FBH1: variants seen among roughly 807,000 people sequenced by gnomAD.
The protein encoded by FBH1 is F-box DNA helicase 1.
A neutral mutation model predicts 115.5 loss-of-function variants in FBH1; 43 were observed. The ratio of observed to expected loss-of-function variants is 0.37; its 90% confidence interval spans 0.29 to 0.48. FBH1 has a LOEUF of 0.48. Among genes scored for constraint, FBH1 ranks in the 20% least tolerant of loss-of-function variants. The pLI, the probability that FBH1 is intolerant of heterozygous loss-of-function variation, is 0.99. For synonymous variants in FBH1, 524 were observed against 507.8 expected (o/e 1.03, Z -0.43); for missense variants, 1,001 against 1,337.3 (o/e 0.75, Z 3.92).
intron 3 of FBH1, among the ~76,000 whole-genome samples, 179 bp from the exon 4 acceptor site, chr10:5,908,746 A>G (rs935657559): frequency 6.6e-6 from 1 of 151,906 alleles, no homozygotes; most frequent in African/African-American, 2.4e-5. Context: ...AGCTGGGACT[A>G]CAGGCATGTG....
At chr10:5,894,303 A>G (rs1842891060) in intron 1 of FBH1, 1 of 1,480,906 alleles carries the variant, frequency 6.8e-7, no homozygotes, top group Non-Finnish European at 8.9e-7. Context: ...TTTTCCAAAT[A>G]CTTCTCAATT....
chr10:5,890,519 C>T (rs1207724927), intron 1 of FBH1, among the ~76,000 whole-genome samples, 173 bp downstream of exon 1: 1 of 150,274 alleles, frequency 6.7e-6, no homozygotes, highest in East Asian at 2.0e-4. Flanking sequence ...CCGTCCGGGC[C>T]GTGGGCAGGT....
rs1225548225 is a variant in FBH1, at chr10:5,908,982, A to T, written c.811A>T (p.Ser271Cys). The change falls in exon 4 of 21, where the codon AGC becomes TGC. Residue 271 changes from serine (S) to cysteine (C), a missense_variant. Physicochemically the swap from Ser to Cys is moderately radical, Grantham distance 112. Around this residue, in one of 4 missense-constraint regions of FBH1, gnomAD observed 420 missense variants for 430.4 expected, o/e 0.98. Coordinates refer to ENST00000362091, the MANE Select transcript of FBH1 (RefSeq NM_178150.3). ...RYLMNEEQAV[S>C]KVDGILSNCG... ...CCTGATGAATGAAGAGCAAGCTGTC[A>T]GCAAAGTGGACGGCATCCTGTCTAA... 4 of 1,614,234 alleles carry T rather than the reference A, an allele frequency of 2.5e-6. No homozygotes were observed. The East Asian group carries it at 6.7e-5, about 27-fold the overall frequency.
At chr10:5,912,027 A>T (rs1387073133) in intron 6 of FBH1, among the ~76,000 whole-genome samples, 4 of 152,060 alleles carry the variant, frequency 2.6e-5, no homozygotes, top group Non-Finnish European at 4.4e-5. Flanking sequence ...ATTGTGAAGG[A>T]TGGACAGGGA....
chr10:5,902,683 C>T (rs978548898), intron 1 of FBH1, among the ~76,000 whole-genome samples: 10 of 152,104 alleles, frequency 6.6e-5, no homozygotes, highest in African/African-American at 2.2e-4. Flanking sequence ...CCCTCCTCCA[C>T]CTCCCAAAGT....
intron 1 of FBH1, among the ~76,000 whole-genome samples, chr10:5,891,952 TG>T (rs959684491): frequency 6.6e-6 from 1 of 152,212 alleles, no homozygotes; most frequent in African/African-American, 2.4e-5. Flanking sequence ...GTTACTTCAT[TG>T]GTGTTGCACA....
At chr10:5,891,178 G>A (rs753691271) in intron 1 of FBH1, 28 of 985,704 alleles carry the variant, frequency 2.8e-5, no homozygotes, top group Non-Finnish European at 3.3e-5. Flanking sequence ...AGCGTCTGCC[G>A]CTGTGGTAAA....
chr10:5,891,105 A>G, intron 1 of FBH1: 1 of 981,532 alleles, frequency 1.0e-6, no homozygotes, highest in Non-Finnish European at 1.2e-6. Context: ...TGACTTTCTT[A>G]CAGAATTACA....
At position 5,913,754 on chromosome 10, in the gene FBH1, TACA is replaced by T; in HGVS notation, c.1223_1225del (p.Asn408del). On this transcript the variant is annotated inframe_deletion, in exon 7 of 21. Coordinates refer to ENST00000362091, the MANE Select transcript of FBH1 (RefSeq NM_178150.3). The surrounding 1 kb of genome is among the most constrained non-coding windows in gnomAD (Gnocchi z 4.4). The stretch of plus-strand genomic sequence containing the variant: ...TACTTTTTTTTCTGGTAGGATTCAC[TACA>T]ACATTTTCTATTGCCTATATCTTCA... 6.4e-7 allele frequency: 1 copy of T among 1,563,228 alleles called. No individual in the cohort carries two copies.
intron 18 of FBH1, among the ~76,000 whole-genome samples, chr10:5,926,565 G>A (rs752634761): frequency 6.6e-6 from 1 of 152,222 alleles, no homozygotes. Context: ...ACTGTGGACT[G>A]GAAATTTGGG....
At chr10:5,903,331 G>GTTT (rs35963724) in intron 2 of FBH1, among the ~76,000 whole-genome samples, 156 bp downstream of exon 2, 2 of 141,568 alleles carry the variant, frequency 1.4e-5, no homozygotes, top group Non-Finnish European at 3.1e-5. Context: ...TTTCCATGAA[G>GTTT]TTTTTTTTTT....
At position 5,936,232 on chromosome 10, in the gene FBH1, T is replaced by C. The variant is rs2132163413; in HGVS notation, c.2830-224T>C. 2.9e-6 allele frequency: 1 copy of C among 339,250 alleles called. No homozygotes were observed. Among genetic ancestry groups the C allele is most frequent in the African/African-American group, 2.0e-5 (1 of 49,098 alleles). The allele number at this position is 339,250 out of a possible 1,614,324, so 21.0% of individuals were successfully genotyped here. On this transcript the variant is annotated intron_variant, in intron 19 of 20. Transcript: ENST00000362091. The surrounding 1 kb of genome is among the most constrained non-coding windows in gnomAD (Gnocchi z 5.6). ...TAGTTTTGCATGTTTATCTGTTAAATATATATATATTTAAAAAGCAATTGG... is the reference window on the plus strand; with the variant it reads ...TAGTTTTGCATGTTTATCTGTTAAACATATATATATTTAAAAAGCAATTGG...
At chr10:5,901,026 G>A (rs1183674003) in intron 1 of FBH1, among the ~76,000 whole-genome samples, 1 of 152,162 alleles carries the variant, frequency 6.6e-6, no homozygotes, top group Non-Finnish European at 1.5e-5. Flanking sequence ...GAACCCAAGA[G>A]GTGAATGTTG....
intron 19 of FBH1, chr10:5,934,440 C>A: frequency 6.9e-6 from 1 of 144,022 alleles, no homozygotes; most frequent in Non-Finnish European, 1.5e-5. Context: ...GTGGTGCCAT[C>A]TTGCTCGGCT....
intron 1 of FBH1, among the ~76,000 whole-genome samples, chr10:5,890,751 C>G (rs934267856): frequency 6.6e-6 from 1 of 152,118 alleles, no homozygotes; most frequent in Non-Finnish European, 1.5e-5. Flanking sequence ...GCCCTCTGCC[C>G]CTGTGTCATC....
In FBH1 at chr10:5,924,795, A is replaced by G. The variant is rs1564458794; in HGVS notation, c.2596+287A>G. Reference sequence around the variant, plus strand: ...TGGCCAGGCTGGTCTCGAACTCCCAACCTCAGGTAATCTGCCCACCTCGAC... The same window carrying G: ...TGGCCAGGCTGGTCTCGAACTCCCAGCCTCAGGTAATCTGCCCACCTCGAC... On this transcript the variant is annotated intron_variant, in intron 17 of 20. Transcript: ENST00000362091. The surrounding 1 kb of genome is among the most constrained non-coding windows in gnomAD (Gnocchi z 6.2). 2.0e-6 allele frequency: 1 copy of G among 501,146 alleles called. No individual in the cohort carries two copies. The allele number at this position is 501,146 out of a possible 1,614,324, so 31.0% of individuals were successfully genotyped here.
rs1002371839 is a variant in FBH1, at chr10:5,918,028, C to T, written c.1964-314C>T. Among the ~76,000 whole-genome samples, 4 of 152,176 alleles carry T rather than the reference C, an allele frequency of 2.6e-5. No homozygotes were observed. The highest frequency in any genetic ancestry group is 2.6e-4 in the Admixed American group (4 of 15,290). ...AGAACAGACAGTGTTATCCGTCTGA[C>T]TTTGTAGGTCAATTTTGAGTGCTAT... On this transcript the variant is annotated intron_variant, in intron 12 of 20. Transcript: ENST00000362091. This position sits in a 1 kb window ranked among gnomAD's most constrained non-coding sequence, Gnocchi z 4.0.
Position 5,913,712 on chromosome 10 carries a change from T to C in FBH1, c.1212-35T>C, listed in dbSNP as rs1440363688. On this transcript the variant is annotated intron_variant, in intron 6 of 20. Coordinates refer to ENST00000362091, the MANE Select transcript of FBH1 (RefSeq NM_178150.3). The surrounding 1 kb of genome is among the most constrained non-coding windows in gnomAD (Gnocchi z 4.4). Reference sequence around the variant, plus strand: ...ATAAGATGCAGATTGTGACTTGAATTTGAGACTTTCTAAATCTACTTTTTT... The same window carrying C: ...ATAAGATGCAGATTGTGACTTGAATCTGAGACTTTCTAAATCTACTTTTTT... 3.4e-6 allele frequency: 5 copies of C among 1,449,416 alleles called. No individual in the cohort carries two copies. In the African/African-American group the frequency reaches 7.3e-5, roughly 21 times the overall value. The allele number at this position is 1,449,416 out of a possible 1,614,324, so 89.8% of individuals were successfully genotyped here. A position where few individuals can be genotyped will look rare whatever the true frequency, so the allele number is the denominator to read the frequency against.
At position 5,924,010 on chromosome 10, in the gene FBH1, G is replaced by A. The variant is rs1395883359; in HGVS notation, c.2399-301G>A. Reference sequence around the variant, plus strand: ...ACTTCCACGTGGGCCCCAAGTGATAGCGTCGAGCATTTCTATAGCGCTTTT... The same window carrying A: ...ACTTCCACGTGGGCCCCAAGTGATAACGTCGAGCATTTCTATAGCGCTTTT... On this transcript the variant is annotated intron_variant, in intron 16 of 20. Transcript: ENST00000362091. This position sits in a 1 kb window ranked among gnomAD's most constrained non-coding sequence, Gnocchi z 6.2. 4.3e-5 allele frequency: 24 copies of A among 560,660 alleles called. No individual in the cohort carries two copies. The East Asian group carries it at 6.9e-4, about 16-fold the overall frequency. The allele number at this position is 560,660 out of a possible 1,614,324, so 34.7% of individuals were successfully genotyped here.
Sources: gnomAD v4.1 joint callset for allele counts (sites outside exome capture counted in the v4.1 genomes callset) on GRCh38, gnomAD v4.1.1 for gene constraint, gnomAD v4.1.1 regional missense constraint, Gnocchi (gnomAD v3.1) non-coding constraint, MANE v1.5 for transcripts, NCBI Gene and HGNC (gene_info 2026-07-23, HGNC 2026-07-21) for gene names.